ELP3: variants seen among roughly 807,000 people sequenced by gnomAD.
The protein encoded by ELP3 is elongator complex protein 3.
In ELP3, 56 loss-of-function variants were observed where a neutral mutation model predicts 74.9. The ratio of observed to expected loss-of-function variants is 0.75; its 90% confidence interval spans 0.60 to 0.93. The LOEUF (loss-of-function observed/expected upper bound fraction) is 0.93. Among genes scored for constraint, ELP3 ranks in the 40% least tolerant of loss-of-function variants. ELP3 has a pLI of 0.00. For missense variants in ELP3, 573 were observed against 686.5 expected (o/e 0.83, Z 1.85); for synonymous variants, 222 against 239.8 (o/e 0.93, Z 0.68).
At chr8:28,170,845 C>T (rs887821147) in intron 14 of ELP3, among the ~76,000 whole-genome samples, 1 of 152,084 alleles carries the variant, frequency 6.6e-6, no homozygotes, top group Non-Finnish European at 1.5e-5. Context: ...TTTTTAACAC[C>T]CTAAACAAAC....
At chr8:28,177,512 A>C (rs1304401111) in intron 14 of ELP3, among the ~76,000 whole-genome samples, 1 of 152,270 alleles carries the variant, frequency 6.6e-6, no homozygotes, top group Non-Finnish European at 1.5e-5. Flanking sequence ...CAATTAAAAC[A>C]GTTTAATTTG....
intron 14 of ELP3, among the ~76,000 whole-genome samples, chr8:28,182,789 G>A (rs899029061): frequency 2.0e-5 from 3 of 152,224 alleles, no homozygotes; most frequent in African/African-American, 4.8e-5. Context: ...ATTAAGCCAC[G>A]TGGTGCGTAT....
chr8:28,091,633 C>G (rs1374828562), upstream of ELP3, among the ~76,000 whole-genome samples: 1 of 152,168 alleles, frequency 6.6e-6, no homozygotes. Flanking sequence ...CAAAGGAGAT[C>G]ATAGATGGGT....
At chr8:28,106,681 T>C in intron 3 of ELP3, 32 bp from the exon 4 acceptor site, 1 of 1,588,534 alleles carries the variant, frequency 6.3e-7, no homozygotes, top group Non-Finnish European at 8.6e-7. Context: ...AATTATCCTA[T>C]AATAGCTTTT....
intron 14 of ELP3, among the ~76,000 whole-genome samples, chr8:28,180,319 A>G (rs1400332961): frequency 2.6e-5 from 4 of 152,076 alleles, no homozygotes; most frequent in South Asian, 2.1e-4. Flanking sequence ...TTCCCCACCA[A>G]CGTTGCTTTG....
At chr8:28,121,321 A>ATT (rs1441742573) in intron 7 of ELP3, among the ~76,000 whole-genome samples, 3 of 141,278 alleles carry the variant, frequency 2.1e-5, no homozygotes, top group African/African-American at 2.6e-5. Context: ...TATTATTATT[A>ATT]TTATTTTTTT....
At chr8:28,123,469 G>A (rs1812451363) in intron 7 of ELP3, among the ~76,000 whole-genome samples, 1 of 152,182 alleles carries the variant, frequency 6.6e-6, no homozygotes, top group Admixed American at 6.5e-5. Context: ...CATGCCATGT[G>A]TGTTTGTAAA....
upstream of ELP3, chr8:28,092,782 G>T: frequency 4.4e-6 from 1 of 228,228 alleles, no homozygotes. Context: ...TCGCCCATTC[G>T]CGTTCCCACC....
In ELP3 at chr8:28,190,237, A is replaced by C. The variant is rs928980932; in HGVS notation, c.*512A>C. On this transcript the variant is annotated 3_prime_UTR_variant, in exon 15 of 15. Transcript: ENST00000256398. ...AAAATGAGCTTTTGTTTTCATGGAA[A>C]TCATTCTGATTACAGTGCTGATGTT... The C allele has an allele frequency of 1.3e-5, 2 of 153,474 alleles. No individual in the cohort carries two copies. The highest frequency in any genetic ancestry group is 4.8e-5 in the African/African-American group (2 of 41,460). The allele number at this position is 153,474 out of a possible 1,614,324, so 9.5% of individuals were successfully genotyped here.
chr8:28,136,061 A>C (rs1198900673), intron 9 of ELP3, among the ~76,000 whole-genome samples: 1 of 150,996 alleles, frequency 6.6e-6, no homozygotes, highest in Non-Finnish European at 1.5e-5. Flanking sequence ...TCCTGGGTTC[A>C]AGCAATTCTC....
chr8:28,169,825 A>G (rs1814448921), intron 14 of ELP3, among the ~76,000 whole-genome samples: 1 of 152,092 alleles, frequency 6.6e-6, no homozygotes, highest in Admixed American at 6.5e-5. Context: ...ATCCCCTCCC[A>G]AGTTCACTGT....
intron 11 of ELP3, among the ~76,000 whole-genome samples, chr8:28,157,289 CAA>C (rs35938340): frequency 0.042 from 4,515 of 106,742 alleles, 232 homozygotes; most frequent in African/African-American, 0.14. Flanking sequence ...AAAAGCATGC[CAA>C]AAAAAAAAAA....
intron 11 of ELP3, among the ~76,000 whole-genome samples, chr8:28,158,053 A>C (rs1348012555): frequency 4.7e-5 from 3 of 64,072 alleles, no homozygotes; most frequent in Admixed American, 3.3e-4. Context: ...CTTCTTGCAA[A>C]AAAAAAAAAA....
chr8:28,098,179 G>T (rs1811330332), intron 2 of ELP3, among the ~76,000 whole-genome samples: 2 of 151,786 alleles, frequency 1.3e-5, no homozygotes, highest in South Asian at 4.2e-4. Flanking sequence ...TCTCAAATAA[G>T]AGTTGTCTTT....
intron 14 of ELP3, among the ~76,000 whole-genome samples, chr8:28,178,690 A>C (rs1251110198): frequency 1.3e-5 from 2 of 152,224 alleles, no homozygotes; most frequent in African/African-American, 4.8e-5. Context: ...GCTGGGTTGT[A>C]GAGAGTACAT....
At chr8:28,154,176 T>C (rs758376749) in intron 10 of ELP3, among the ~76,000 whole-genome samples, 1 of 152,224 alleles carries the variant, frequency 6.6e-6, no homozygotes, top group Non-Finnish European at 1.5e-5. Flanking sequence ...ATGAGTTCAA[T>C]GTTAATGAAT....
intron 12 of ELP3, among the ~76,000 whole-genome samples, chr8:28,159,259 C>T (rs1813970682): frequency 6.6e-6 from 1 of 152,176 alleles, no homozygotes; most frequent in Non-Finnish European, 1.5e-5. Context: ...TCTTGTGGAA[C>T]CCCATTTGAG....
intron 14 of ELP3, among the ~76,000 whole-genome samples, chr8:28,182,988 G>C (rs1210583971): frequency 1.3e-5 from 2 of 152,180 alleles, no homozygotes; most frequent in Non-Finnish European, 2.9e-5. Context: ...TCATCCTTGG[G>C]AAGGGGGCTT....
chr8:28,183,746 G>A (rs1815116127), intron 14 of ELP3, among the ~76,000 whole-genome samples: 1 of 152,212 alleles, frequency 6.6e-6, no homozygotes, highest in Non-Finnish European at 1.5e-5. Context: ...CTTAATGCTG[G>A]CTCTGTAGCA....
Sources: gnomAD v4.1 joint callset for allele counts (sites outside exome capture counted in the v4.1 genomes callset) on GRCh38, gnomAD v4.1.1 for gene constraint, MANE v1.5 for transcripts, NCBI Gene and HGNC (gene_info 2026-07-23, HGNC 2026-07-21) for gene names.